Variants in HIVEP3 observed in about 807,000 individuals in gnomAD.
HIVEP3 encodes HIVEP zinc finger 3.
Under a neutral mutation model 152.8 loss-of-function variants are expected in HIVEP3, and 49 were observed. The ratio of observed to expected loss-of-function variants is 0.32; its 90% CI spans 0.26 to 0.41. The LOEUF (loss-of-function observed/expected upper bound fraction) is 0.41, where lower values mean the gene tolerates loss of function less well. HIVEP3 is among the 10% of genes least tolerant of loss of function. The pLI, the probability that HIVEP3 is intolerant of heterozygous loss-of-function variation, is 1.00. For missense variants in HIVEP3, 2,790 were observed against 3,103.3 expected, an observed-to-expected ratio of 0.90 and a Z score of 2.40; for synonymous variants, 1,269 against 1,289.0, an observed-to-expected ratio of 0.98 and a Z score of 0.33.
At chr1:41,556,065 T>C (rs943311008) in intron 5 of HIVEP3, among the ~76,000 whole-genome samples, 2 of 152,254 alleles carry the variant, frequency 1.3e-5, no homozygotes, top group African/African-American at 4.8e-5. Flanking sequence ...TTCCAGCTTT[T>C]GACTATTGTG....
At chr1:41,525,504 G>T (rs1642875254) in intron 5 of HIVEP3, among the ~76,000 whole-genome samples, 1 of 152,164 alleles carries the variant, frequency 6.6e-6, no homozygotes, top group Non-Finnish European at 1.5e-5. Context: ...TGTCCAGTCT[G>T]CCAGGAAGCC....
chr1:41,637,481 G>A (rs535255057), intron 2 of HIVEP3, among the ~76,000 whole-genome samples: 7 of 152,294 alleles, frequency 4.6e-5, no homozygotes, highest in Admixed American at 3.9e-4. Context: ...GGTGGAAGGT[G>A]CCACTTCTGC....
intron 2 of HIVEP3, among the ~76,000 whole-genome samples, chr1:41,682,194 T>C (rs1646049895): frequency 6.6e-6 from 1 of 152,288 alleles, no homozygotes; most frequent in Middle Eastern, 3.4e-3. Context: ...GTGGCTTGCA[T>C]GCTTGGTGCT....
chr1:41,903,286 AAG>A (rs1417293261), intron 1 of HIVEP3, among the ~76,000 whole-genome samples: 1 of 152,240 alleles, frequency 6.6e-6, no homozygotes, highest in Non-Finnish European at 1.5e-5. Context: ...GATGATGATT[AAG>A]AGTTGAGCCA....
upstream of HIVEP3, among the ~76,000 whole-genome samples, chr1:41,920,426 G>A (rs1644932411): frequency 6.6e-6 from 1 of 152,210 alleles, no homozygotes; most frequent in Admixed American, 6.5e-5. Flanking sequence ...TGGTGAAGGA[G>A]TCTCAGTGAC....
chr1:42,006,012 A>T (rs926924194), intron 1 of HIVEP3, among the ~76,000 whole-genome samples: 1 of 152,162 alleles, frequency 6.6e-6, no homozygotes, highest in African/African-American at 2.4e-5. Context: ...TTTCTATAAA[A>T]CAGTTCTACA....
At chr1:41,864,005 A>T (rs564739234) in intron 1 of HIVEP3, among the ~76,000 whole-genome samples, 13 of 152,320 alleles carry the variant, frequency 8.5e-5, no homozygotes, top group African/African-American at 3.1e-4. Context: ...TCCATCCTGG[A>T]ATCAGACGTG....
chr1:41,621,134 G>A (rs977753072), intron 3 of HIVEP3, among the ~76,000 whole-genome samples: 2 of 152,192 alleles, frequency 1.3e-5, no homozygotes, highest in African/African-American at 2.4e-5. Flanking sequence ...GCATCACCCG[G>A]CTTCCTACAG....
intron 1 of HIVEP3, among the ~76,000 whole-genome samples, chr1:41,977,750 C>T (rs952926457): frequency 6.6e-6 from 1 of 152,154 alleles, no homozygotes; most frequent in African/African-American, 2.4e-5. Flanking sequence ...TGTTTCCTTC[C>T]AACACCCAAA....
intron 1 of HIVEP3, among the ~76,000 whole-genome samples, chr1:41,997,213 A>G (rs373468579): frequency 3.3e-5 from 5 of 152,256 alleles, no homozygotes; most frequent in African/African-American, 1.2e-4. Flanking sequence ...CAAAATTGTC[A>G]CAGCCAGCTC....
At chr1:41,610,648 G>C (rs572427531) in intron 3 of HIVEP3, among the ~76,000 whole-genome samples, 1 of 152,252 alleles carries the variant, frequency 6.6e-6, no homozygotes, top group Admixed American at 6.5e-5. Flanking sequence ...GTGAGGAGAG[G>C]ACCCCACAGG....
intron 1 of HIVEP3, among the ~76,000 whole-genome samples, chr1:41,725,658 C>G (rs1483005341): frequency 6.6e-6 from 1 of 152,202 alleles, no homozygotes; most frequent in Admixed American, 6.5e-5. Flanking sequence ...GAGGCAAGGG[C>G]CAACAGTCCT....
At chr1:41,699,134 A>C (rs1014197414) in intron 2 of HIVEP3, among the ~76,000 whole-genome samples, 2 of 152,248 alleles carry the variant, frequency 1.3e-5, no homozygotes, top group Non-Finnish European at 2.9e-5. Flanking sequence ...GGGCTGAGTC[A>C]GCAGGGAAGC....
intron 2 of HIVEP3, among the ~76,000 whole-genome samples, chr1:41,633,736 C>T (rs1264708448): frequency 6.6e-6 from 1 of 152,146 alleles, no homozygotes; most frequent in Non-Finnish European, 1.5e-5. Context: ...GTTCCTTACA[C>T]AACCCTAACC....
rs532124667 is a variant in HIVEP3 at position 41,863,360 on chromosome 1, T to C, written c.-801+55053A>G. On this transcript the variant is annotated intron_variant, in intron 1 of 8. Coordinates refer to ENST00000372583, the MANE Select transcript of HIVEP3 (RefSeq NM_024503.5). ...CAAGGATCACCTGATCTGTAGAGCC[T>C]GGAATCTGCAGTTATTTCTAGTTTC... Among the ~76,000 whole-genome samples, 7 of 152,316 alleles carry C rather than the reference T, an allele frequency of 4.6e-5. No individual in the cohort carries two copies. The East Asian group carries it at 1.3e-3, about 29-fold the overall frequency.
chr1:41,850,188 C>T (rs996097524), intron 1 of HIVEP3, among the ~76,000 whole-genome samples: 2 of 152,084 alleles, frequency 1.3e-5, no homozygotes, highest in African/African-American at 2.4e-5. Context: ...GGTCCAGAGA[C>T]CACACTTTGA....
chr1:41,756,528 C>T (rs767634782), intron 1 of HIVEP3, among the ~76,000 whole-genome samples: 2 of 152,138 alleles, frequency 1.3e-5, no homozygotes, highest in African/African-American at 2.4e-5. Context: ...CCCTAGATCC[C>T]TGGATAAACA....
chr1:41,865,059 T>C (rs537298883), intron 1 of HIVEP3, among the ~76,000 whole-genome samples: 1 of 152,314 alleles, frequency 6.6e-6, no homozygotes, highest in East Asian at 1.9e-4. Flanking sequence ...AACCATCCCA[T>C]CATTGGACTT....
At chr1:41,518,573 G>A (rs767195342) in intron 6 of HIVEP3, 85 bp from the exon 7 acceptor site, 153 of 1,266,980 alleles carry the variant, frequency 1.2e-4, no homozygotes, top group Non-Finnish European at 1.6e-4. Flanking sequence ...GCACCTGGCC[G>A]GCAGGCCATG....
Sources: gnomAD v4.1 joint callset for allele counts (sites outside exome capture counted in the v4.1 genomes callset) on GRCh38, gnomAD v4.1.1 for gene constraint, MANE v1.5 for transcripts, NCBI Gene and HGNC (gene_info 2026-07-23, HGNC 2026-07-21) for gene names.